Variants in GRID1 observed in about 807,000 individuals in gnomAD.
The protein encoded by GRID1 is glutamate ionotropic receptor delta type subunit 1, also known as glutamate receptor ionotropic, delta-1.
In GRID1, 28 loss-of-function variants were observed where a neutral mutation model predicts 98.0. That is an observed-to-expected ratio of 0.29 (90% CI 0.21 to 0.39). The LOEUF is 0.39. Ranked by LOEUF, GRID1 falls within the 10% of genes least tolerant of loss-of-function variation. The probability of loss-of-function intolerance (pLI) is 1.00; values close to 1 mark genes in which losing one functional copy is unlikely to be tolerated. For missense variants in GRID1, 1,111 were observed against 1,340.5 expected (o/e 0.83, Z 2.67); for synonymous variants, 553 against 538.5 (o/e 1.03, Z -0.37).
intron 8 of GRID1, among the ~76,000 whole-genome samples, chr10:85,730,704 A>T (rs1388162347): frequency 1.3e-5 from 2 of 152,184 alleles, no homozygotes; most frequent in Non-Finnish European, 2.9e-5. Flanking sequence ...TCCCCAGGTG[A>T]TTCTAATGCA....
At chr10:85,797,678 C>A (rs1214955241) in intron 8 of GRID1, among the ~76,000 whole-genome samples, 4 of 150,966 alleles carry the variant, frequency 2.6e-5, no homozygotes, top group Admixed American at 1.3e-4. Context: ...CTCTAACTCC[C>A]AACCTCAGGT....
intron 3 of GRID1, among the ~76,000 whole-genome samples, chr10:86,163,263 A>C (rs1026429804): frequency 2.0e-5 from 3 of 152,150 alleles, no homozygotes; most frequent in African/African-American, 7.2e-5. Context: ...GGGCCATGGC[A>C]CTGCCAGCTG....
intron 8 of GRID1, among the ~76,000 whole-genome samples, chr10:85,742,394 C>T (rs2132674524): frequency 6.6e-6 from 1 of 152,186 alleles, no homozygotes; most frequent in East Asian, 1.9e-4. Context: ...CTGCATTGGG[C>T]CCAAGGGCCA....
chr10:85,914,954 A>C (rs932610861), intron 5 of GRID1, among the ~76,000 whole-genome samples: 2 of 152,152 alleles, frequency 1.3e-5, no homozygotes, highest in Admixed American at 6.5e-5. Flanking sequence ...ATGTGGGCAG[A>C]GGGGATTCTT....
chr10:85,878,625 G>A (rs1362122022), intron 5 of GRID1, among the ~76,000 whole-genome samples: 14 of 152,010 alleles, frequency 9.2e-5, no homozygotes, highest in South Asian at 2.1e-4. Flanking sequence ...AGGAAGCACT[G>A]AACATGGAAA....
At chr10:85,743,106 C>A (rs1344316831) in intron 8 of GRID1, among the ~76,000 whole-genome samples, 2 of 33,422 alleles carry the variant, frequency 6.0e-5, no homozygotes, top group East Asian at 5.1e-3. Context: ...AATTATGCAG[C>A]CCCCCCCCCC....
At chr10:86,180,378 A>G (rs1015112084) in intron 3 of GRID1, among the ~76,000 whole-genome samples, 6 of 152,226 alleles carry the variant, frequency 3.9e-5, no homozygotes, top group South Asian at 2.1e-4. Flanking sequence ...ACAGTCCTAT[A>G]TGATACTCTG....
chr10:85,923,139 T>C (rs1841728375), intron 4 of GRID1, among the ~76,000 whole-genome samples: 1 of 28,836 alleles, frequency 3.5e-5, no homozygotes, highest in Non-Finnish European at 6.7e-5. Flanking sequence ...AGCCCCTCCT[T>C]GATGGTCATC....
intron 12 of GRID1, among the ~76,000 whole-genome samples, chr10:85,663,553 T>A (rs117297347): frequency 6.6e-6 from 1 of 152,278 alleles, no homozygotes; most frequent in East Asian, 1.9e-4. Flanking sequence ...AAGAAACTAA[T>A]ACAGCCCCCA....
chr10:86,207,664 C>T (rs1846049283), intron 2 of GRID1, among the ~76,000 whole-genome samples: 1 of 127,174 alleles, frequency 7.9e-6, no homozygotes, highest in South Asian at 2.6e-4. Flanking sequence ...CGGAGTTTCG[C>T]TCTGTCGCCC....
chr10:85,718,870 TCTC>T (rs1292671153), intron 12 of GRID1, among the ~76,000 whole-genome samples: 3 of 152,214 alleles, frequency 2.0e-5, no homozygotes, highest in Non-Finnish European at 4.4e-5. Context: ...GGCTTGAATT[TCTC>T]CTCAAAACAT....
chr10:86,126,315 C>T (rs1363583145), intron 4 of GRID1, among the ~76,000 whole-genome samples: 2 of 152,116 alleles, frequency 1.3e-5, no homozygotes, highest in Non-Finnish European at 2.9e-5. Flanking sequence ...ATTAGCCAGG[C>T]GTGGTGGCAC....
intron 4 of GRID1, among the ~76,000 whole-genome samples, chr10:86,016,041 G>C (rs1463918194): frequency 1.3e-5 from 2 of 152,016 alleles, no homozygotes; most frequent in Admixed American, 6.6e-5. Flanking sequence ...TCTGGACTTG[G>C]GCTGGTGAGG....
At chr10:86,104,645 G>C (rs1731673226) in intron 4 of GRID1, among the ~76,000 whole-genome samples, 1 of 152,228 alleles carries the variant, frequency 6.6e-6, no homozygotes, top group African/African-American at 2.4e-5. Context: ...TGAATGCCCA[G>C]AGTCATTCCT....
intron 6 of GRID1, among the ~76,000 whole-genome samples, chr10:85,867,797 G>A (rs1843236422): frequency 6.6e-6 from 1 of 152,230 alleles, no homozygotes; most frequent in South Asian, 2.1e-4. Flanking sequence ...AGACACTAGT[G>A]GAATGGGGAT....
chr10:86,057,004 A>G (rs1210438266), intron 4 of GRID1, among the ~76,000 whole-genome samples: 1 of 152,196 alleles, frequency 6.6e-6, no homozygotes, highest in Non-Finnish European at 1.5e-5. Context: ...GCGAAGGTGA[A>G]GTTCCTTCAG....
chr10:85,820,015 AAGGAAGGAAGGAAGGCAGGCAGGCAGGC>A (rs1716847763), intron 8 of GRID1, among the ~76,000 whole-genome samples: 8 of 122,806 alleles, frequency 6.5e-5, no homozygotes, highest in East Asian at 5.0e-4. Flanking sequence ...GGAAGGAAGG[AAGGAAGGAAGGAAGGCAGGCAGGCAGGC>A]AGGCAGGCAG....
At chr10:86,212,745 T>C (rs1426781222) in intron 2 of GRID1, among the ~76,000 whole-genome samples, 1 of 152,250 alleles carries the variant, frequency 6.6e-6, no homozygotes, top group African/African-American at 2.4e-5. Flanking sequence ...CAATGGCTAA[T>C]GCTTTAAATT....
chr10:85,984,415 C>T (rs558860483), intron 4 of GRID1, among the ~76,000 whole-genome samples: 18 of 152,322 alleles, frequency 1.2e-4, no homozygotes, highest in African/African-American at 3.4e-4. Flanking sequence ...GGGGCCAAGG[C>T]ATGAGCTGCT....
Sources: gnomAD v4.1 joint callset for allele counts (sites outside exome capture counted in the v4.1 genomes callset) on GRCh38, gnomAD v4.1.1 for gene constraint, MANE v1.5 for transcripts, NCBI Gene and HGNC (gene_info 2026-07-23, HGNC 2026-07-21) for gene names.